KLRG1: variants seen among roughly 807,000 people sequenced by gnomAD.
The protein encoded by KLRG1 is killer cell lectin like receptor G1, also known as killer cell lectin-like receptor subfamily G member 1.
A neutral mutation model predicts 21.8 loss-of-function variants in KLRG1; 16 were observed. The observed-to-expected ratio is 0.73, with a 90% CI of 0.50 to 1.11. The LOEUF (loss-of-function observed/expected upper bound fraction) is 1.11, where lower values mean the gene tolerates loss of function less well. KLRG1 is among the 50% of genes most tolerant of loss of function. The probability of loss-of-function intolerance (pLI) is 0.00; values close to 1 mark genes in which losing one functional copy is unlikely to be tolerated. For missense variants in KLRG1, 173 were observed against 218.3 expected, an observed-to-expected ratio of 0.79 and a Z score of 1.31; for synonymous variants, 69 against 75.9, an observed-to-expected ratio of 0.91 and a Z score of 0.47.
At chr12:9,168,102 T>G in the KLRG1 span, among the ~76,000 whole-genome samples, 2 of 152,288 alleles carry the variant, frequency 1.3e-5, no homozygotes, top group South Asian at 4.1e-4. Flanking sequence ...CAATCAAAGT[T>G]CTTAATTTGT....
chr12:9,158,530 T>G, the KLRG1 span: 6 of 1,614,136 alleles, frequency 3.7e-6, no homozygotes, highest in Non-Finnish European at 5.1e-6. Flanking sequence ...TCAATGAAGA[T>G]GTAGGATCGA....
At chr12:8,983,390 T>TACAGGCGCCTGCCACCACACCTAGCTAA (rs1565542661) in intron 1 of KLRG1, among the ~76,000 whole-genome samples, 1 of 147,286 alleles carries the variant, frequency 6.8e-6, no homozygotes, top group African/African-American at 2.5e-5. Flanking sequence ...GTCTTACCAT[T>TACAGGCGCCTGCCACCACACCTAGCTAA]TTACCTTTTT....
At chr12:9,101,190 G>A in the KLRG1 span, 1 of 1,560,062 alleles carries the variant, frequency 6.4e-7, no homozygotes. Flanking sequence ...TTCGGACAAT[G>A]CCTCCCTTTG....
chr12:9,168,896 C>T, the KLRG1 span: 10 of 1,614,016 alleles, frequency 6.2e-6, no homozygotes, highest in Middle Eastern at 1.7e-4. Context: ...CCTACTGCTC[C>T]TGCAGACACG....
the KLRG1 span, among the ~76,000 whole-genome samples, chr12:9,019,218 A>G: frequency 6.6e-6 from 1 of 152,086 alleles, no homozygotes; most frequent in South Asian, 2.1e-4. Flanking sequence ...CAAAACTACA[A>G]TATTGTCTCA....
At chr12:9,165,111 C>T in the KLRG1 span, 2 of 1,604,526 alleles carry the variant, frequency 1.2e-6, no homozygotes, top group Non-Finnish European at 1.7e-6. Flanking sequence ...TTCTACCCAC[C>T]TTTCCTGTTC....
At chr12:9,163,954 T>A in the KLRG1 span, among the ~76,000 whole-genome samples, 1 of 152,190 alleles carries the variant, frequency 6.6e-6, no homozygotes, top group South Asian at 2.1e-4. Context: ...AGATAGTGAT[T>A]CTGGGGACTA....
the KLRG1 span, chr12:9,107,392 G>T: frequency 2.6e-6 from 3 of 1,142,536 alleles, no homozygotes; most frequent in Non-Finnish European, 3.6e-6. Flanking sequence ...GATTTTTTTT[G>T]AAAAATTACA....
the KLRG1 span, chr12:9,112,690 C>T: frequency 2.7e-6 from 2 of 734,954 alleles, no homozygotes; most frequent in Non-Finnish European, 4.4e-6. Context: ...GGAATCACTT[C>T]TGCCATTTTA....
chr12:9,056,835 A>T, the KLRG1 span, among the ~76,000 whole-genome samples: 40 of 152,320 alleles, frequency 2.6e-4, 1 homozygote, highest in East Asian at 4.8e-3. Flanking sequence ...TTATAGGCAT[A>T]AGCCACTGTG....
chr12:9,030,652 C>T, the KLRG1 span, among the ~76,000 whole-genome samples: 4 of 151,838 alleles, frequency 2.6e-5, no homozygotes, highest in Non-Finnish European at 5.9e-5. Flanking sequence ...GTGATCTGCC[C>T]GCCTCGGCCT....
chr12:8,950,801 G>A (rs913882420), intron 1 of KLRG1, among the ~76,000 whole-genome samples: 1 of 151,934 alleles, frequency 6.6e-6, no homozygotes, highest in Non-Finnish European at 1.5e-5. Flanking sequence ...ACCTTATGAG[G>A]AAGTATCTTA....
the KLRG1 span, chr12:9,152,260 A>T: frequency 1.2e-6 from 2 of 1,613,242 alleles, no homozygotes; most frequent in South Asian, 2.2e-5. Context: ...ACCAGATACC[A>T]TCTTTACATC....
At chr12:9,020,125 A>G in the KLRG1 span, among the ~76,000 whole-genome samples, 1 of 151,830 alleles carries the variant, frequency 6.6e-6, no homozygotes, top group Non-Finnish European at 1.5e-5. Flanking sequence ...TGTGTTGCCC[A>G]GGTCTTGAAC....
chr12:9,023,000 T>G, the KLRG1 span, among the ~76,000 whole-genome samples: 6 of 152,326 alleles, frequency 3.9e-5, no homozygotes, highest in South Asian at 1.2e-3. Flanking sequence ...ATCTGTATCT[T>G]TTGTAATATT....
chr12:8,977,314 C>T (rs1362282884), intron 1 of KLRG1, among the ~76,000 whole-genome samples: 1 of 151,570 alleles, frequency 6.6e-6, no homozygotes, highest in Non-Finnish European at 1.5e-5. Flanking sequence ...GGCCATATTC[C>T]TGCCTCAGCC....
Position 9,010,054 on chromosome 12 carries a change from T to C in KLRG1, c.*517T>C. 1 of 1,522,398 alleles carries C rather than the reference T, an allele frequency of 6.6e-7. No individual in the cohort carries two copies. Among genetic ancestry groups the C allele is most frequent in the Non-Finnish European group, 8.8e-7 (1 of 1,136,008 alleles). The allele number at this position is 1,522,398 out of a possible 1,614,324, so 94.3% of individuals were successfully genotyped here. ...AGAATAAACCTAGCTGGCATGCTGG[T>C]GTGTACCTGTAGTCCTAGCTATTTG... On this transcript the variant is annotated 3_prime_UTR_variant, in exon 5 of 5. Coordinates refer to ENST00000356986, the MANE Select transcript of KLRG1 (RefSeq NM_005810.4).
the KLRG1 span, chr12:9,069,762 A>G: frequency 6.2e-7 from 1 of 1,612,730 alleles, no homozygotes; most frequent in East Asian, 2.2e-5. Context: ...AGGTAAATCA[A>G]GACATGGTTG....
At chr12:9,152,494 C>T in the KLRG1 span, among the ~76,000 whole-genome samples, 1 of 152,150 alleles carries the variant, frequency 6.6e-6, no homozygotes, top group African/African-American at 2.4e-5. Context: ...TCAGATCTAC[C>T]ACTTGCTAAA....
Sources: gnomAD v4.1 joint callset for allele counts (sites outside exome capture counted in the v4.1 genomes callset) on GRCh38, gnomAD v4.1.1 for gene constraint, MANE v1.5 for transcripts, NCBI Gene and HGNC (gene_info 2026-07-23, HGNC 2026-07-21) for gene names.